The following PKIB variants were observed in gnomAD, a reference collection of about 807,000 sequenced individuals.
PKIB encodes PKI-beta.
Under a neutral mutation model 4.5 loss-of-function variants are expected in PKIB, and 2 were observed. The ratio of observed to expected loss-of-function variants is 0.44; its 90% confidence interval spans 0.18 to 1.39. The LOEUF is 1.39. Ranked by LOEUF, PKIB falls within the 40% of genes most tolerant of loss-of-function variation. PKIB has a pLI of 0.27. For missense variants in PKIB, 94 were observed against 92.6 expected (o/e 1.02, Z -0.06); for synonymous variants, 38 against 36.0 (o/e 1.06, Z -0.20).
intron 3 of PKIB, among the ~76,000 whole-genome samples, chr6:122,601,296 G>A (rs1335147288): frequency 6.6e-6 from 1 of 151,996 alleles, no homozygotes; most frequent in Admixed American, 6.5e-5. Flanking sequence ...CCTCAAGTTT[G>A]TCAAGAAAAT....
intron 2 of PKIB, among the ~76,000 whole-genome samples, chr6:122,563,638 G>A (rs1412102797): frequency 1.3e-5 from 2 of 152,036 alleles, no homozygotes; most frequent in South Asian, 2.1e-4. Context: ...GTCTTGCTGC[G>A]GCTGCTGTAG....
chr6:122,621,615 A>G (rs1775232801), intron 1 of PKIB, among the ~76,000 whole-genome samples: 1 of 152,264 alleles, frequency 6.6e-6, no homozygotes, highest in African/African-American at 2.4e-5. Flanking sequence ...AAGAGCAAAG[A>G]GACTCAAAGT....
intron 1 of PKIB, among the ~76,000 whole-genome samples, chr6:122,624,131 C>A (rs375181363): frequency 2.6e-5 from 4 of 152,258 alleles, no homozygotes; most frequent in East Asian, 3.9e-4. Context: ...TCTTCAGAAT[C>A]CATGTTCTCA....
chr6:122,622,955 AG>A (rs1181852900), intron 1 of PKIB, among the ~76,000 whole-genome samples: 1 of 152,082 alleles, frequency 6.6e-6, no homozygotes, highest in Non-Finnish European at 1.5e-5. Context: ...TTTCTTCTTG[AG>A]GCTTATTTGC....
At chr6:122,636,374 T>A (rs1369640904) in intron 2 of PKIB, among the ~76,000 whole-genome samples, 6 of 152,000 alleles carry the variant, frequency 3.9e-5, no homozygotes, top group Non-Finnish European at 8.8e-5. Flanking sequence ...ATACAAAAGA[T>A]AAATGTGTAA....
Position 122,683,042 on chromosome 6 carries a change from G to A in PKIB, c.-9+7898G>A, listed in dbSNP as rs575496095. Among the ~76,000 whole-genome samples, 19 of 152,160 alleles carry A rather than the reference G, an allele frequency of 1.2e-4. No individual in the cohort carries two copies. The South Asian group carries it at 3.9e-3, about 32-fold the overall frequency. On this transcript the variant is annotated intron_variant, in intron 3 of 4. Coordinates refer to ENST00000368452, the MANE Select transcript of PKIB (RefSeq NM_181795.3). ...TCAGGTGTCTGCTCATCTCCCACAG[G>A]CAAGGTTGATTTAATTATGTGCTGC...
intron 3 of PKIB, among the ~76,000 whole-genome samples, chr6:122,707,925 A>G (rs534654208): frequency 6.6e-6 from 1 of 152,026 alleles, no homozygotes; most frequent in South Asian, 2.1e-4. Flanking sequence ...CCTTTTCCCA[A>G]CAACAAGCAT....
intron 2 of PKIB, among the ~76,000 whole-genome samples, chr6:122,502,714 G>A (rs1776279121): frequency 6.6e-6 from 1 of 152,066 alleles, no homozygotes; most frequent in African/African-American, 2.4e-5. Context: ...CACATCATGT[G>A]TCAAACATAT....
At chr6:122,662,710 A>G (rs900253435) in intron 2 of PKIB, among the ~76,000 whole-genome samples, 5 of 152,172 alleles carry the variant, frequency 3.3e-5, no homozygotes, top group African/African-American at 9.7e-5. Context: ...GAATTTAGTA[A>G]TAACATTTCT....
chr6:122,637,007 G>C (rs1458667448), intron 2 of PKIB, among the ~76,000 whole-genome samples: 4 of 152,074 alleles, frequency 2.6e-5, no homozygotes. Context: ...GTTAATGTTA[G>C]GAAAACATGT....
chr6:122,617,575 C>A (rs1775047101), intron 1 of PKIB, among the ~76,000 whole-genome samples: 1 of 151,990 alleles, frequency 6.6e-6, no homozygotes, highest in Non-Finnish European at 1.5e-5. Context: ...TTATTTTTAC[C>A]AACTCTTTAA....
At chr6:122,551,893 T>G (rs1175441505) in intron 2 of PKIB, among the ~76,000 whole-genome samples, 2 of 150,518 alleles carry the variant, frequency 1.3e-5, no homozygotes, top group African/African-American at 4.9e-5. Context: ...TTTTTTTTTT[T>G]TTTTTTACAA....
chr6:122,724,182 G>C (rs887230479), intron 4 of PKIB, among the ~76,000 whole-genome samples: 2 of 152,182 alleles, frequency 1.3e-5, no homozygotes, highest in Admixed American at 1.3e-4. Flanking sequence ...ACAGTTGAAA[G>C]AGGGTCTTTG....
chr6:122,482,754 T>A (rs986644277), intron 2 of PKIB: 7 of 152,126 alleles, frequency 4.6e-5, no homozygotes, highest in African/African-American at 1.7e-4. Flanking sequence ...TTTCACCAAG[T>A]TGGTCAGGCT....
intron 2 of PKIB, among the ~76,000 whole-genome samples, chr6:122,647,560 T>C (rs972197233): frequency 1.3e-5 from 2 of 152,246 alleles, no homozygotes; most frequent in African/African-American, 4.8e-5. Context: ...CAAAACATGG[T>C]AACCCTTTCC....
At chr6:122,693,910 C>A (rs1778450547) in intron 3 of PKIB, among the ~76,000 whole-genome samples, 1 of 152,090 alleles carries the variant, frequency 6.6e-6, no homozygotes, top group African/African-American at 2.4e-5. Flanking sequence ...ACAAGGCCAT[C>A]AGCATATATC....
rs182166870 is a variant in PKIB, at chr6:122,644,733, T to A, written c.-76+11366T>A. ...TCATTTTAAGTGTTTCTTGCCTTTG[T>A]TTTCAATACATCTTGAAATTATTAA... is the stretch of plus-strand genomic sequence containing the variant. On this transcript the variant is annotated intron_variant, in intron 2 of 4. Coordinates refer to ENST00000368452, the MANE Select transcript of PKIB (RefSeq NM_181795.3). 6 of 149,428 alleles carry A rather than the reference T, an allele frequency of 4.0e-5. No individual in the cohort carries two copies. In the Admixed American group the frequency reaches 4.0e-4, roughly 10 times the overall value. 9.3% of individuals were successfully genotyped at this position (149,428 alleles called of 1,614,324 possible).
chr6:122,660,893 C>T (rs1443388553), intron 2 of PKIB, among the ~76,000 whole-genome samples: 1 of 151,994 alleles, frequency 6.6e-6, no homozygotes, highest in Non-Finnish European at 1.5e-5. Flanking sequence ...TTTAATAAAC[C>T]TTTTATGTAT....
At chr6:122,699,569 G>T (rs1778714389) in intron 3 of PKIB, among the ~76,000 whole-genome samples, 1 of 152,098 alleles carries the variant, frequency 6.6e-6, no homozygotes, top group Non-Finnish European at 1.5e-5. Context: ...GTTGTTAAAT[G>T]GAGAAGCAGT....
Sources: allele counts gnomAD v4.1 joint callset (sites outside exome capture counted in the v4.1 genomes callset), GRCh38; gene constraint gnomAD v4.1.1; transcripts MANE v1.5; gene names NCBI Gene and HGNC (gene_info 2026-07-23, HGNC 2026-07-21).